Variants in TRAPPC9 observed in about 807,000 individuals in gnomAD.
The protein encoded by TRAPPC9 is trafficking protein particle complex subunit 9.
In TRAPPC9, 83 loss-of-function variants were observed where a neutral mutation model predicts 124.0. That is an observed-to-expected ratio of 0.67 (90% CI 0.56 to 0.80). The LOEUF (loss-of-function observed/expected upper bound fraction) is 0.80, where lower values mean the gene tolerates loss of function less well. TRAPPC9 is among the 30% of genes least tolerant of loss of function. The pLI, the probability that TRAPPC9 is intolerant of heterozygous loss-of-function variation, is 0.00. For synonymous variants in TRAPPC9, 638 were observed against 617.5 expected, an observed-to-expected ratio of 1.03 and a Z score of -0.49; for missense variants, 1,302 against 1,508.3, an observed-to-expected ratio of 0.86 and a Z score of 2.27.
chr8:140,263,485 T>A (rs961998101), intron 15 of TRAPPC9, among the ~76,000 whole-genome samples: 4 of 152,158 alleles, frequency 2.6e-5, no homozygotes, highest in African/African-American at 9.7e-5. Flanking sequence ...GAAAATAATT[T>A]CAACATGTTT....
chr8:139,845,960 G>A (rs1404702072), intron 21 of TRAPPC9, among the ~76,000 whole-genome samples: 1 of 152,218 alleles, frequency 6.6e-6, no homozygotes, highest in Non-Finnish European at 1.5e-5. Flanking sequence ...TCTGAAGAGG[G>A]AGCAGGAAGG....
chr8:140,274,484 CA>C (rs2065054285), intron 15 of TRAPPC9, among the ~76,000 whole-genome samples: 1 of 152,212 alleles, frequency 6.6e-6, no homozygotes, highest in South Asian at 2.1e-4. Context: ...ATGGGTTAGA[CA>C]ATGCGGACGC....
rs900913491 is a variant in TRAPPC9 at position 139,835,292 on chromosome 8, T to A, written c.3055+50587A>T. On this transcript the variant is annotated intron_variant, in intron 21 of 22. Coordinates refer to ENST00000438773, the MANE Select transcript of TRAPPC9 (RefSeq NM_001160372.4). ...AGAGATGCTTTTTATGTGTTTTACA[T>A]ACTGCGTTGTGCACACATTGCCTTT... 3.3e-5 allele frequency among the ~76,000 whole-genome samples: 5 copies of A among 152,246 alleles called. No individual in the cohort carries two copies. The South Asian group carries it at 1.0e-3, about 32-fold the overall frequency.
At chr8:140,392,573 G>T (rs2068957702) in intron 7 of TRAPPC9, among the ~76,000 whole-genome samples, 1 of 152,202 alleles carries the variant, frequency 6.6e-6, no homozygotes, top group African/African-American at 2.4e-5. Flanking sequence ...CTGTTTTGCT[G>T]CCCGCTGAAC....
rs975353665 is a variant in TRAPPC9, at chr8:139,728,023, G to A, written c.*3038C>T. Among the ~76,000 whole-genome samples, 5 of 137,666 alleles carry A rather than the reference G, an allele frequency of 3.6e-5. No individual in the cohort carries two copies. The highest frequency in any genetic ancestry group is 1.5e-4 in the African/African-American group (5 of 32,472). The allele number at this position is 137,666 out of a possible 152,430, so 90.3% of individuals were successfully genotyped here. On this transcript the variant is annotated 3_prime_UTR_variant, in exon 23 of 23. Transcript: ENST00000438773. ...ATTTATTAAGAAGTTGCTATCATGT[G>A]CTAAAAAAAAATCTAGGAGGTTAAA...
chr8:140,352,957 C>T (rs896805529), intron 9 of TRAPPC9, among the ~76,000 whole-genome samples: 13 of 152,178 alleles, frequency 8.5e-5, no homozygotes, highest in Non-Finnish European at 1.6e-4. Context: ...TTACTAAGCA[C>T]TTCTTGGCAG....
At chr8:140,449,210 A>G (rs1315115278) in intron 2 of TRAPPC9, among the ~76,000 whole-genome samples, 2 of 152,158 alleles carry the variant, frequency 1.3e-5, no homozygotes, top group African/African-American at 4.8e-5. Flanking sequence ...TAAATTTCAG[A>G]AACATACTGA....
chr8:140,161,450 C>T (rs748161951), intron 17 of TRAPPC9, among the ~76,000 whole-genome samples: 2 of 151,318 alleles, frequency 1.3e-5, no homozygotes, highest in Admixed American at 6.6e-5. Context: ...TCTGCATATA[C>T]GTAATGAGCT....
chr8:140,233,173 T>C (rs764628574), intron 16 of TRAPPC9, among the ~76,000 whole-genome samples: 8 of 151,568 alleles, frequency 5.3e-5, no homozygotes, highest in Non-Finnish European at 1.2e-4. Flanking sequence ...TCTGCACAAA[T>C]TAGTTTTAAC....
intron 21 of TRAPPC9, among the ~76,000 whole-genome samples, chr8:139,753,092 CCAA>C (rs1299351573): frequency 6.9e-6 from 1 of 145,742 alleles, no homozygotes; most frequent in Non-Finnish European, 1.5e-5. Context: ...ATCCATCCAT[CCAA>C]CATCTACCCA....
intron 21 of TRAPPC9, among the ~76,000 whole-genome samples, chr8:139,790,027 C>T (rs748682439): frequency 9.9e-5 from 15 of 152,092 alleles, no homozygotes; most frequent in East Asian, 1.9e-4. Flanking sequence ...GGGGCCTGGC[C>T]GGGCTGGGGA....
At chr8:139,802,442 G>A (rs778492545) in intron 21 of TRAPPC9, among the ~76,000 whole-genome samples, 1 of 152,150 alleles carries the variant, frequency 6.6e-6, no homozygotes, top group Non-Finnish European at 1.5e-5. Flanking sequence ...GAGGAGAAGT[G>A]CAGTCAGAGG....
intron 21 of TRAPPC9, among the ~76,000 whole-genome samples, chr8:139,863,421 C>T (rs1413236262): frequency 3.3e-5 from 5 of 152,180 alleles, no homozygotes; most frequent in South Asian, 4.1e-4. Flanking sequence ...TCCAGGCTGC[C>T]GGGGAGCACC....
chr8:139,922,206 T>A (rs1024759322), intron 19 of TRAPPC9, among the ~76,000 whole-genome samples: 5 of 149,948 alleles, frequency 3.3e-5, no homozygotes, highest in African/African-American at 1.2e-4. Flanking sequence ...TTGGATGGAG[T>A]CTTGCTCTGT....
intron 17 of TRAPPC9, among the ~76,000 whole-genome samples, chr8:140,213,084 A>G (rs6578081): frequency 1.5e-3 from 83 of 53,722 alleles, no homozygotes; most frequent in Middle Eastern, 7.8e-3. Flanking sequence ...AAAAAAAAAA[A>G]GTTTTTTTGT....
At chr8:140,231,699 T>A (rs2063602417) in intron 16 of TRAPPC9, among the ~76,000 whole-genome samples, 1 of 141,390 alleles carries the variant, frequency 7.1e-6, no homozygotes, top group Admixed American at 7.4e-5. Flanking sequence ...TAGAGGCCCC[T>A]CTCTCTCCTC....
At chr8:140,399,229 G>A (rs1009407655) in intron 6 of TRAPPC9, among the ~76,000 whole-genome samples, 4 of 152,270 alleles carry the variant, frequency 2.6e-5, no homozygotes, top group African/African-American at 4.8e-5. Context: ...CAGTGCAAAA[G>A]GGAAATATGG....
At chr8:139,822,174 G>A (rs113388210) in intron 21 of TRAPPC9, among the ~76,000 whole-genome samples, 10 of 152,068 alleles carry the variant, frequency 6.6e-5, no homozygotes, top group Admixed American at 1.3e-4. Flanking sequence ...AGGCCGTGGG[G>A]GAGGAGAGGT....
At chr8:139,851,939 C>T (rs191948276) in intron 21 of TRAPPC9, among the ~76,000 whole-genome samples, 3 of 152,204 alleles carry the variant, frequency 2.0e-5, no homozygotes, top group Admixed American at 2.0e-4. Flanking sequence ...GGAGGGTCTG[C>T]CAGGGGAATG....
Sources: allele counts gnomAD v4.1 joint callset (sites outside exome capture counted in the v4.1 genomes callset), GRCh38; gene constraint gnomAD v4.1.1; transcripts MANE v1.5; gene names NCBI Gene and HGNC (gene_info 2026-07-23, HGNC 2026-07-21).